Variants in NHSL1 observed in about 807,000 individuals in gnomAD.
NHSL1 encodes NHS like 1.
A neutral mutation model predicts 95.0 loss-of-function variants in NHSL1; 48 were observed. The observed-to-expected ratio is 0.51, with a 90% CI of 0.40 to 0.64. NHSL1 has a LOEUF of 0.64. Ranked by LOEUF, NHSL1 falls within the 30% of genes least tolerant of loss-of-function variation. The pLI, the probability that NHSL1 is intolerant of heterozygous loss-of-function variation, is 0.00. For missense variants in NHSL1, 1,971 were observed against 2,077.7 expected, an observed-to-expected ratio of 0.95 and a Z score of 1.00; for synonymous variants, 783 against 833.9, an observed-to-expected ratio of 0.94 and a Z score of 1.05.
chr6:138,588,595 C>T (rs4588703), intron 1 of NHSL1, among the ~76,000 whole-genome samples: 4,884 of 152,326 alleles, frequency 0.032, 231 homozygotes, highest in African/African-American at 0.11. Flanking sequence ...GTCTTCACCA[C>T]TGACTTGAAT....
intron 1 of NHSL1, among the ~76,000 whole-genome samples, chr6:138,651,754 T>G (rs1471171095): frequency 1.3e-5 from 2 of 152,276 alleles, no homozygotes; most frequent in Non-Finnish European, 2.9e-5. Flanking sequence ...GGCGCTTACA[T>G]GAGCAAAGTT....
rs1775860121 is a variant in NHSL1 at position 138,433,520 on chromosome 6, G to A, written c.825C>T (p.Ser275=). The A allele has an allele frequency of 1.3e-6, 2 of 1,551,850 alleles. No homozygotes were observed. Among genetic ancestry groups the A allele is most frequent in the Non-Finnish European group, 8.7e-7 (1 of 1,147,076 alleles). The stretch of plus-strand genomic sequence containing the variant: ...CCTTCTGTGCCCTGATTCTCCTCAT[G>A]GAAGGTGGTACGACCTTCACATCCT... The part of the protein sequence containing the change: ...QTEDVKVVPP[S]MRRIRAQKGQ... The change falls in exon 6 of 8, where the codon TCC becomes TCT. Residue 275 remains serine (S), a synonymous_variant. Transcript: ENST00000343505.
At chr6:138,613,669 C>A (rs1784543454) in intron 1 of NHSL1, among the ~76,000 whole-genome samples, 1 of 152,168 alleles carries the variant, frequency 6.6e-6, no homozygotes, top group South Asian at 2.1e-4. Context: ...GTGGGGCCAC[C>A]AGACTGCCAC....
chr6:138,424,623 C>G lies in NHSL1; in HGVS notation c.4279G>C (p.Gly1427Arg), dbSNP rs1775134736. Residue 1427 changes from glycine to arginine, a missense_variant, in exon 8 of 8, where the codon GGC (glycine) becomes CGC (arginine). Coordinates refer to ENST00000343505, the MANE Select transcript of NHSL1 (RefSeq NM_001144060.2). The surrounding 1 kb of genome is among the most constrained non-coding windows in gnomAD (Gnocchi z 5.9). ...CGGGCGCTGGTGTCTGAACGACTGC[C>G]CTTTTTCAGCAGCAGAGCTTTGAAG... ...DNFKALLLKK[G>R]SRSDTSARMS... 1 of 1,551,612 alleles carries G rather than the reference C, an allele frequency of 6.4e-7. No homozygotes were observed. Among genetic ancestry groups the G allele is most frequent in the Non-Finnish European group, 8.7e-7 (1 of 1,146,980 alleles).
intron 3 of NHSL1, among the ~76,000 whole-genome samples, chr6:138,454,984 C>A (rs935490149): frequency 2.0e-5 from 3 of 152,130 alleles, no homozygotes; most frequent in African/African-American, 7.2e-5. Flanking sequence ...TATAAACAGA[C>A]CCTGATTATA....
At chr6:138,523,636 A>G (rs1781777291) in intron 1 of NHSL1, among the ~76,000 whole-genome samples, 1 of 138,226 alleles carries the variant, frequency 7.2e-6, no homozygotes. Flanking sequence ...GGAAAAAAAA[A>G]AAAAAAAAAA....
At chr6:138,448,980 A>T (rs1319042348) in intron 3 of NHSL1, among the ~76,000 whole-genome samples, 1 of 149,582 alleles carries the variant, frequency 6.7e-6, no homozygotes, top group Non-Finnish European at 1.5e-5. Context: ...TGAACCCAGG[A>T]GGCAGAGGTT....
intron 1 of NHSL1, among the ~76,000 whole-genome samples, chr6:138,565,943 TA>T (rs5880386): frequency 0.25 from 33,591 of 133,100 alleles, 7,392 homozygotes; most frequent in African/African-American, 0.6. Flanking sequence ...ACCCTGTTTC[TA>T]AAAAAAAAAA....
chr6:138,563,795 C>T (rs1200167163), intron 1 of NHSL1, among the ~76,000 whole-genome samples: 5 of 152,082 alleles, frequency 3.3e-5, no homozygotes, highest in Non-Finnish European at 7.4e-5. Context: ...ATTCAACTCC[C>T]TGGAGAAGGA....
At position 138,626,613 on chromosome 6, in the gene NHSL1, G is replaced by C. The variant is rs1447560527; in HGVS notation, c.96+65863C>G. ...GAAACTTTCTTAAAAAAAATTGTAG[G>C]CCGGGCGCGGTGGCTCACGCCTGTA... On this transcript the variant is annotated intron_variant, in intron 1 of 3. Coordinates refer to the NHSL1 transcript ENST00000491526. Among the ~76,000 whole-genome samples, 3 of 71,514 alleles carry C rather than the reference G, an allele frequency of 4.2e-5. 1 individual carries two copies. Among genetic ancestry groups the C allele is most frequent in the African/African-American group, 2.2e-4 (3 of 13,418 alleles). 46.9% of individuals were successfully genotyped at this position (71,514 alleles called of 152,430 possible). A position where few individuals can be genotyped will look rare whatever the true frequency, so the allele number is the denominator to read the frequency against.
At chr6:138,526,200 T>C (rs998003556) in intron 1 of NHSL1, among the ~76,000 whole-genome samples, 2 of 152,072 alleles carry the variant, frequency 1.3e-5, no homozygotes, top group Non-Finnish European at 2.9e-5. Flanking sequence ...TTCTATTTTG[T>C]AGCCAGGTGC....
intron 1 of NHSL1, chr6:138,512,212 ACAAT>A: frequency 2.2e-6 from 1 of 447,148 alleles, no homozygotes; most frequent in Middle Eastern, 3.3e-4. Context: ...ATGTTTATGC[ACAAT>A]CATTTTTAAT....
chr6:138,637,220 T>C (rs1413063219), intron 1 of NHSL1, among the ~76,000 whole-genome samples: 3 of 152,152 alleles, frequency 2.0e-5, no homozygotes, highest in South Asian at 2.1e-4. Context: ...CTAGATCCCG[T>C]ATCTCTCACC....
chr6:138,424,155 C>CAGGGCCG lies in NHSL1; in HGVS notation c.4740_4746dup (p.Val1583ArgfsTer32). 2 of 1,446,718 alleles carry CAGGGCCG rather than the reference C, an allele frequency of 1.4e-6. No individual in the cohort carries two copies. The highest frequency in any genetic ancestry group is 2.9e-5 in the South Asian group (2 of 68,672). The allele number at this position is 1,446,718 out of a possible 1,614,324, so 89.6% of individuals were successfully genotyped here. ...CCCTCTGCACTGGCTGTCCCATCCA[C>CAGGGCCG]AGGGCCGGGGGCCTGGGGCTGCAGG... On this transcript the variant is annotated frameshift_variant, in exon 8 of 8. Coordinates refer to ENST00000343505, the MANE Select transcript of NHSL1 (RefSeq NM_001144060.2). LOFTEE classifies it low-confidence loss of function (END_TRUNC). The surrounding 1 kb of genome is among the most constrained non-coding windows in gnomAD (Gnocchi z 5.9).
intron 3 of NHSL1, among the ~76,000 whole-genome samples, chr6:138,465,441 G>C (rs1015266678): frequency 6.6e-6 from 1 of 152,114 alleles, no homozygotes; most frequent in Non-Finnish European, 1.5e-5. Flanking sequence ...TCAGTCCTCA[G>C]TGCCGTTTTG....
At chr6:138,476,930 C>A (rs1779107949) in intron 2 of NHSL1, among the ~76,000 whole-genome samples, 1 of 121,356 alleles carries the variant, frequency 8.2e-6, no homozygotes. Flanking sequence ...ACCCATGTAA[C>A]AAACCTGCAC....
intron 1 of NHSL1, among the ~76,000 whole-genome samples, chr6:138,543,291 T>C (rs939022037): frequency 7.2e-5 from 11 of 152,132 alleles, no homozygotes; most frequent in African/African-American, 2.7e-4. Context: ...ATGTTGCACA[T>C]ACAAAATGCA....
At chr6:138,600,255 A>C (rs1029617752) in intron 1 of NHSL1, among the ~76,000 whole-genome samples, 1 of 151,974 alleles carries the variant, frequency 6.6e-6, no homozygotes, top group Non-Finnish European at 1.5e-5. Context: ...TCTTTTCGAG[A>C]CCAGTTCTCA....
chr6:138,424,271 A>G lies in NHSL1; in HGVS notation c.4631T>C (p.Leu1544Pro). 1 of 1,499,864 alleles carries G rather than the reference A, an allele frequency of 6.7e-7. No homozygotes were observed. 92.9% of individuals were successfully genotyped at this position (1,499,864 alleles called of 1,614,324 possible). A position where few individuals can be genotyped will look rare whatever the true frequency, so the allele number is the denominator to read the frequency against. Reference protein sequence around the residue: ...EPVDSIARGALGAAEGCSLDG... With the variant: ...EPVDSIARGAPGAAEGCSLDG... Reference sequence around the variant, plus strand: ...CAGGGAACATCCCTCCGCAGCGCCCAGAGCCCCGCGGGCTATGCTGTCCAC... The same window carrying G: ...CAGGGAACATCCCTCCGCAGCGCCCGGAGCCCCGCGGGCTATGCTGTCCAC... Residue 1544 changes from leucine to proline, a missense_variant, in exon 8 of 8, where the codon CTG becomes CCG. Leu to Pro is a moderately conservative substitution (Grantham distance 98). Coordinates refer to ENST00000343505, the MANE Select transcript of NHSL1 (RefSeq NM_001144060.2). This position sits in a 1 kb window ranked among gnomAD's most constrained non-coding sequence, Gnocchi z 5.9.
Sources: gnomAD v4.1 joint callset for allele counts (sites outside exome capture counted in the v4.1 genomes callset) on GRCh38, gnomAD v4.1.1 for gene constraint, Gnocchi (gnomAD v3.1) non-coding constraint, MANE v1.5 for transcripts, NCBI Gene and HGNC (gene_info 2026-07-23, HGNC 2026-07-21) for gene names.